The following SPATS2 variants were observed in gnomAD, a reference collection of about 807,000 sequenced individuals.
SPATS2 encodes the protein spermatogenesis-associated serine-rich protein 2.
In SPATS2, 38 loss-of-function variants were observed where a neutral mutation model predicts 63.7. The observed-to-expected ratio is 0.60, with a 90% CI of 0.46 to 0.78. The LOEUF (loss-of-function observed/expected upper bound fraction) is 0.78. SPATS2 is among the 30% of genes least tolerant of loss of function. The pLI is 0.00. For missense variants in SPATS2, 588 were observed against 666.2 expected, an observed-to-expected ratio of 0.88 and a Z score of 1.29; for synonymous variants, 207 against 232.9, an observed-to-expected ratio of 0.89 and a Z score of 1.01.
At chr12:49,509,827 G>T (rs1353200593) in intron 9 of SPATS2, among the ~76,000 whole-genome samples, 1 of 146,062 alleles carries the variant, frequency 6.8e-6, no homozygotes. Flanking sequence ...AAAAAAAAAA[G>T]GGAAGGAAAA....
In SPATS2 at chr12:49,519,140, A is replaced by C; in HGVS notation, c.966A>C (p.Gln322His). Residue 322 changes from glutamine to histidine, a missense_variant, in exon 11 of 14, where the codon CAA becomes CAC. Coordinates refer to ENST00000552918, the MANE Select transcript of SPATS2 (RefSeq NM_023071.4). ...AGAAGATGACTCATGTGGCTGTTCA[A>C]ATGTCAGAGCAGCAATTGGTTGAGC... ...LLKKMTHVAVQMSEQQLVELR... is the reference protein window; with the variant it reads ...LLKKMTHVAVHMSEQQLVELR... 6.2e-7 allele frequency: 1 copy of C among 1,614,148 alleles called. No homozygotes were observed. Among genetic ancestry groups the C allele is most frequent in the Non-Finnish European group, 8.5e-7 (1 of 1,180,022 alleles).
chr12:49,496,281 T>A (rs1946462022), intron 7 of SPATS2, among the ~76,000 whole-genome samples: 1 of 152,220 alleles, frequency 6.6e-6, no homozygotes. Context: ...TTTGTTTGTT[T>A]GTTTGTTTGT....
At chr12:49,459,333 A>C (rs1565732601) in intron 2 of SPATS2, among the ~76,000 whole-genome samples, 2 of 151,720 alleles carry the variant, frequency 1.3e-5, no homozygotes, top group African/African-American at 4.8e-5. Context: ...CATTATTATT[A>C]TTATTATTTA....
chr12:49,510,851 A>G (rs532379819), intron 9 of SPATS2, among the ~76,000 whole-genome samples: 1 of 152,352 alleles, frequency 6.6e-6, no homozygotes, highest in East Asian at 1.9e-4. Flanking sequence ...AATGATAGAC[A>G]CAATTTGTGT....
At chr12:49,459,993 A>G (rs1476032629) in intron 2 of SPATS2, among the ~76,000 whole-genome samples, 21 of 151,142 alleles carry the variant, frequency 1.4e-4, no homozygotes, top group African/African-American at 4.1e-4. Context: ...CTGTAATCCC[A>G]GCTACTTGGG....
At chr12:49,399,672 C>T (rs1944571671) in intron 2 of SPATS2, among the ~76,000 whole-genome samples, 1 of 152,140 alleles carries the variant, frequency 6.6e-6, no homozygotes, top group African/African-American at 2.4e-5. Flanking sequence ...GGTAGTGCCC[C>T]AGGTGCTTGA....
intron 6 of SPATS2, among the ~76,000 whole-genome samples, chr12:49,494,423 T>C (rs1321381409): frequency 6.6e-6 from 1 of 152,248 alleles, no homozygotes; most frequent in Non-Finnish European, 1.5e-5. Flanking sequence ...ACTCTGTATA[T>C]ATTTAGCTCT....
intron 2 of SPATS2, among the ~76,000 whole-genome samples, chr12:49,437,249 G>C (rs1227253386): frequency 6.6e-6 from 1 of 151,434 alleles, no homozygotes; most frequent in African/African-American, 2.4e-5. Flanking sequence ...GGGCAGAGGC[G>C]CTCCCCACAT....
At chr12:49,417,554 T>C (rs1423432572) in intron 2 of SPATS2, among the ~76,000 whole-genome samples, 1 of 152,204 alleles carries the variant, frequency 6.6e-6, no homozygotes. Flanking sequence ...AGGTAAAATA[T>C]TCAGAAAAGG....
intron 2 of SPATS2, among the ~76,000 whole-genome samples, chr12:49,374,218 A>G (rs1469300079): frequency 6.6e-6 from 1 of 151,948 alleles, no homozygotes; most frequent in Non-Finnish European, 1.5e-5. Context: ...GCGTCCTTGA[A>G]CTCCTTGAAC....
chr12:49,519,258 CATATCTAA>C, intron 11 of SPATS2, 76 bp downstream of exon 11: 1 of 1,171,310 alleles, frequency 8.5e-7, no homozygotes, highest in South Asian at 1.4e-5. Flanking sequence ...AATTCATGGC[CATATCTAA>C]TATATTAAAC....
intron 2 of SPATS2, among the ~76,000 whole-genome samples, chr12:49,433,290 G>A (rs1449093313): frequency 6.6e-6 from 1 of 152,170 alleles, no homozygotes; most frequent in African/African-American, 2.4e-5. Flanking sequence ...AGGCTCCCGA[G>A]TAGCTGGGAC....
At chr12:49,431,822 C>T (rs1022468633) in intron 2 of SPATS2, among the ~76,000 whole-genome samples, 1 of 151,686 alleles carries the variant, frequency 6.6e-6, no homozygotes, top group Non-Finnish European at 1.5e-5. Context: ...CACTTGAGCT[C>T]AGCAGTTTGA....
intron 2 of SPATS2, among the ~76,000 whole-genome samples, chr12:49,384,813 A>AT (rs537203549): frequency 0.096 from 13,802 of 143,048 alleles, 719 homozygotes; most frequent in African/African-American, 0.15. Context: ...AAAATCTTTC[A>AT]TTTTTTTTTT....
At chr12:49,461,388 A>G (rs57202083) in intron 3 of SPATS2, among the ~76,000 whole-genome samples, 7,499 of 152,282 alleles carry the variant, frequency 0.049, 366 homozygotes, top group African/African-American at 0.12. Flanking sequence ...GCAAGAGTAA[A>G]TGTTTCTGGG....
intron 9 of SPATS2, among the ~76,000 whole-genome samples, chr12:49,504,567 A>G (rs1946622839): frequency 6.6e-6 from 1 of 152,174 alleles, no homozygotes; most frequent in Non-Finnish European, 1.5e-5. Context: ...TCTTTTAAAT[A>G]AAAAGTTTCC....
At chr12:49,442,708 C>A (rs1195641338) in intron 2 of SPATS2, 2 of 140,538 alleles carry the variant, frequency 1.4e-5, no homozygotes, top group African/African-American at 5.2e-5. Context: ...TGCTTGAGTC[C>A]AGGAGTTTGA....
chr12:49,517,421 C>G (rs1946868963), intron 10 of SPATS2, among the ~76,000 whole-genome samples: 2 of 152,122 alleles, frequency 1.3e-5, no homozygotes, highest in Admixed American at 1.3e-4. Flanking sequence ...CTGTTTTTTT[C>G]TGACGTGAAT....
At chr12:49,447,552 T>C (rs1945536890) in intron 2 of SPATS2, among the ~76,000 whole-genome samples, 1 of 152,230 alleles carries the variant, frequency 6.6e-6, no homozygotes, top group Non-Finnish European at 1.5e-5. Flanking sequence ...TTCTATTTTC[T>C]AAAACAGTTT....
Sources: allele counts gnomAD v4.1 joint callset (sites outside exome capture counted in the v4.1 genomes callset), GRCh38; gene constraint gnomAD v4.1.1; transcripts MANE v1.5; gene names NCBI Gene and HGNC (gene_info 2026-07-23, HGNC 2026-07-21).